WWTR1: variants seen among roughly 807,000 people sequenced by gnomAD.
WWTR1 encodes WW domain-containing transcription regulator protein 1.
In WWTR1, 13 loss-of-function variants were observed where a neutral mutation model predicts 40.1. The observed-to-expected ratio is 0.32, with a 90% CI of 0.21 to 0.52. The LOEUF is 0.52. Ranked by LOEUF, WWTR1 falls within the 20% of genes least tolerant of loss-of-function variation. The pLI, the probability that WWTR1 is intolerant of heterozygous loss-of-function variation, is 0.97. For synonymous variants in WWTR1, 230 were observed against 210.1 expected, an observed-to-expected ratio of 1.09 and a Z score of -0.82; for missense variants, 436 against 523.1, an observed-to-expected ratio of 0.83 and a Z score of 1.63.
At chr3:149,636,541 C>T (rs1711824195) in intron 2 of WWTR1, among the ~76,000 whole-genome samples, 1 of 151,760 alleles carries the variant, frequency 6.6e-6, no homozygotes, top group South Asian at 2.1e-4. Flanking sequence ...TATAGTCGGG[C>T]TAAGAATTAA....
chr3:149,592,161 C>T (rs1232391856), intron 2 of WWTR1, among the ~76,000 whole-genome samples: 1 of 152,170 alleles, frequency 6.6e-6, no homozygotes, highest in African/African-American at 2.4e-5. Flanking sequence ...ATGGAAAACA[C>T]TGAATGTTAT....
chr3:149,527,857 C>T lies in WWTR1; in HGVS notation c.884G>A (p.Ser295Asn), dbSNP rs754832902. ...TTACCCATTGAGGAAAGGATCTGAGCTATTATTAGTGATGGATCTCATGTC... is the reference window on the plus strand; with the variant it reads ...TTACCCATTGAGGAAAGGATCTGAGTTATTATTAGTGATGGATCTCATGTC... ...TPDMRSITNNSSDPFLNGGPY... is the reference protein window; with the variant it reads ...TPDMRSITNNNSDPFLNGGPY... The change falls in exon 5 of 7, where the codon AGC (serine) becomes AAC (asparagine). Residue 295 changes from serine (S) to asparagine (N), a missense_variant. Ser to Asn is a conservative substitution (Grantham distance 46, BLOSUM62 1). Coordinates refer to ENST00000360632, the MANE Select transcript of WWTR1 (RefSeq NM_015472.6). The T allele has an allele frequency of 7.4e-6, 12 of 1,613,926 alleles. No homozygotes were observed. Among genetic ancestry groups the T allele is most frequent in the Non-Finnish European group, 1.0e-5 (12 of 1,180,008 alleles).
chr3:149,593,018 C>T (rs1238159247), intron 2 of WWTR1, among the ~76,000 whole-genome samples: 1 of 152,184 alleles, frequency 6.6e-6, no homozygotes, highest in African/African-American at 2.4e-5. Flanking sequence ...GCACACCGAG[C>T]CAAGTTACAC....
At chr3:149,549,955 G>A (rs1167216130) in intron 3 of WWTR1, among the ~76,000 whole-genome samples, 1 of 152,158 alleles carries the variant, frequency 6.6e-6, no homozygotes, top group African/African-American at 2.4e-5. Flanking sequence ...TCTGAATAAA[G>A]TATGGATTTA....
At chr3:149,662,418 CA>C (rs548404654), upstream of WWTR1, among the ~76,000 whole-genome samples, 2 of 152,326 alleles carry the variant, frequency 1.3e-5, no homozygotes, top group East Asian at 3.9e-4. Context: ...CACTTTCCAA[CA>C]AAGTCCATGC....
chr3:149,657,633 A>T (rs6807742), intron 1 of WWTR1, 132 bp downstream of exon 1: 131,378 of 259,366 alleles, frequency 0.51, 33,933 homozygotes, highest in East Asian at 0.68. Flanking sequence ...AGGTCGCACG[A>T]TTCCAGGACA....
At chr3:149,668,502 G>C (rs966125627) in intron 2 of WWTR1, among the ~76,000 whole-genome samples, 3 of 151,940 alleles carry the variant, frequency 2.0e-5, no homozygotes, top group Non-Finnish European at 2.9e-5. Context: ...CAGCTGCTTA[G>C]GAGGTTGAGG....
chr3:149,688,317 C>T (rs1229699407), intron 1 of WWTR1, among the ~76,000 whole-genome samples: 1 of 152,060 alleles, frequency 6.6e-6, no homozygotes, highest in African/African-American at 2.4e-5. Flanking sequence ...TTGACACAGG[C>T]CTTGGGCGAG....
chr3:149,525,528 C>T (rs1335267094), intron 6 of WWTR1: 1 of 151,760 alleles, frequency 6.6e-6, no homozygotes, highest in East Asian at 1.9e-4. Context: ...GAAGGGGCTA[C>T]AGTTTATTAA....
At chr3:149,683,828 T>C (rs1054750560) in intron 1 of WWTR1, among the ~76,000 whole-genome samples, 1 of 152,122 alleles carries the variant, frequency 6.6e-6, no homozygotes, top group Non-Finnish European at 1.5e-5. Context: ...CAGCATGCAA[T>C]GTCCAAGAGA....
chr3:149,518,198 T>A lies in WWTR1; in HGVS notation c.*2607A>T, dbSNP rs1734877999. ...GGGTCCATATTTTATTCTGAAAAAA[T>A]ATTTATTATATTCATTCATAAATGT... On this transcript the variant is annotated 3_prime_UTR_variant, in exon 7 of 7. Transcript: ENST00000360632. The A allele has an allele frequency of 6.6e-6, 1 of 152,214 alleles. No individual in the cohort carries two copies. The highest frequency in any genetic ancestry group is 2.1e-4 in the South Asian group (1 of 4,820). 9.4% of individuals were successfully genotyped at this position (152,214 alleles called of 1,614,324 possible).
intron 2 of WWTR1, among the ~76,000 whole-genome samples, chr3:149,633,527 A>G (rs1408477788): frequency 6.6e-6 from 1 of 152,216 alleles, no homozygotes; most frequent in Non-Finnish European, 1.5e-5. Flanking sequence ...CCTACCTACT[A>G]ATCCCAGTAC....
intron 5 of WWTR1, among the ~76,000 whole-genome samples, chr3:149,709,567 G>A (rs1715427612): frequency 6.6e-6 from 1 of 152,048 alleles, no homozygotes; most frequent in South Asian, 2.1e-4. Context: ...TGCATTTTTT[G>A]TTTGTTGTTT....
chr3:149,593,139 G>A (rs1415147905), intron 2 of WWTR1, among the ~76,000 whole-genome samples: 1 of 152,160 alleles, frequency 6.6e-6, no homozygotes, highest in African/African-American at 2.4e-5. Context: ...CCACAAATAG[G>A]CATGCTGCCA....
chr3:149,530,408 A>G (rs1467669725), intron 4 of WWTR1, among the ~76,000 whole-genome samples: 2 of 152,074 alleles, frequency 1.3e-5, no homozygotes, highest in Non-Finnish European at 2.9e-5. Flanking sequence ...AAATTTATAT[A>G]TGGTAAGAAT....
At chr3:149,579,601 CCA>C (rs1442310718) in intron 2 of WWTR1, among the ~76,000 whole-genome samples, 1 of 152,020 alleles carries the variant, frequency 6.6e-6, no homozygotes, top group African/African-American at 2.4e-5. Context: ...TGCTTGAGCC[CCA>C]GAGTTGGAGA....
intron 3 of WWTR1, among the ~76,000 whole-genome samples, chr3:149,558,433 C>T (rs576377193): frequency 2.0e-5 from 3 of 152,262 alleles, no homozygotes; most frequent in South Asian, 4.1e-4. Context: ...TTAGGCCATA[C>T]CTTATAGAGA....
chr3:149,612,758 C>A (rs2108070486), intron 2 of WWTR1, among the ~76,000 whole-genome samples: 1 of 152,256 alleles, frequency 6.6e-6, no homozygotes, highest in Middle Eastern at 3.4e-3. Context: ...TATGAGAGAT[C>A]AGAATTCCTG....
intron 1 of WWTR1, among the ~76,000 whole-genome samples, chr3:149,699,995 A>G (rs1715121505): frequency 6.6e-6 from 1 of 152,240 alleles, no homozygotes; most frequent in Non-Finnish European, 1.5e-5. Flanking sequence ...TGGGCAATTT[A>G]TAAAGAACAG....
Sources: gnomAD v4.1 joint callset for allele counts (sites outside exome capture counted in the v4.1 genomes callset) on GRCh38, gnomAD v4.1.1 for gene constraint, MANE v1.5 for transcripts, NCBI Gene and HGNC (gene_info 2026-07-23, HGNC 2026-07-21) for gene names.